Variants in BMPR1A observed in about 807,000 individuals in gnomAD.
BMPR1A encodes the protein bone morphogenetic protein receptor type 1A.
In BMPR1A, 7 loss-of-function variants were observed where a neutral mutation model predicts 66.0. The observed-to-expected ratio is 0.11, with a 90% CI of 0.06 to 0.20. The LOEUF (loss-of-function observed/expected upper bound fraction) is 0.20. BMPR1A is among the 10% of genes least tolerant of loss of function. The pLI, the probability that BMPR1A is intolerant of heterozygous loss-of-function variation, is 1.00. For missense variants in BMPR1A, 408 were observed against 669.1 expected (o/e 0.61, Z 4.31); for synonymous variants, 200 against 229.7 (o/e 0.87, Z 1.17).
rs369404980 is a variant in BMPR1A at position 86,855,198 on chromosome 10, C to A, written c.-153+16219C>A. 8.2e-5 allele frequency: 55 copies of A among 671,178 alleles called. No homozygotes were observed. The African/African-American group carries it at 1.0e-3, about 12-fold the overall frequency. The allele number at this position is 671,178 out of a possible 1,614,324, so 41.6% of individuals were successfully genotyped here. A position where few individuals can be genotyped will look rare whatever the true frequency, so the allele number is the denominator to read the frequency against. ...GGATTACAGGCGTGAGCCACCACAC[C>A]CTGCGTCGCTAAGTTTTTTAACCAG... On this transcript the variant is annotated intron_variant, in intron 2 of 12. Transcript: ENST00000372037.
chr10:86,856,365 C>T (rs1172338100), intron 2 of BMPR1A: 1 of 353,940 alleles, frequency 2.8e-6, no homozygotes, highest in African/African-American at 2.1e-5. Context: ...GTCTGCGGGT[C>T]TGGACCAGCT....
chr10:86,873,245 AC>A (rs1243578431), intron 2 of BMPR1A, among the ~76,000 whole-genome samples: 1 of 151,970 alleles, frequency 6.6e-6, no homozygotes, highest in East Asian at 1.9e-4. Context: ...GAACAACCAT[AC>A]TCATATTTGT....
chr10:86,834,114 C>T (rs902709225), intron 1 of BMPR1A, among the ~76,000 whole-genome samples: 2 of 152,200 alleles, frequency 1.3e-5, no homozygotes, highest in Non-Finnish European at 2.9e-5. Context: ...AGCTCCCTAG[C>T]AAACTTACTT....
chr10:86,918,578 A>G lies in BMPR1A; in HGVS notation c.869-594A>G, dbSNP rs142888181. ...ATCATGTAGGTTGATAATATTCTCC[A>G]GGTTATTTGTATAATATGTCATCTT... On this transcript the variant is annotated intron_variant, in intron 9 of 12. Transcript: ENST00000372037. Among the ~76,000 whole-genome samples, 121 of 152,070 alleles carry G rather than the reference A, an allele frequency of 8.0e-4. 2 individuals are homozygous for G. The East Asian group carries it at 0.022, about 27-fold the overall frequency.
chr10:86,837,857 ACT>A (rs1836228536), intron 1 of BMPR1A, among the ~76,000 whole-genome samples: 1 of 151,924 alleles, frequency 6.6e-6, no homozygotes, highest in Non-Finnish European at 1.5e-5. Flanking sequence ...CTGAGCGGAG[ACT>A]CTTGTCTTTA....
At chr10:86,901,700 C>T (rs578033925) in intron 7 of BMPR1A, among the ~76,000 whole-genome samples, 19 of 152,254 alleles carry the variant, frequency 1.2e-4, no homozygotes, top group Non-Finnish European at 1.3e-4. Flanking sequence ...TATGCTCAAT[C>T]GGTTATTTTA....
intron 8 of BMPR1A, among the ~76,000 whole-genome samples, chr10:86,913,481 G>C (rs1262923475): frequency 1.3e-5 from 2 of 151,884 alleles, no homozygotes; most frequent in African/African-American, 2.4e-5. Flanking sequence ...GAATTGGAAA[G>C]GTAAAAGTAA....
At chr10:86,791,216 T>C (rs1841612551) in intron 1 of BMPR1A, among the ~76,000 whole-genome samples, 2 of 53,020 alleles carry the variant, frequency 3.8e-5, no homozygotes, top group Non-Finnish European at 3.7e-5. Flanking sequence ...CAGTGCTTGC[T>C]TTTTTTTTTT....
chr10:86,802,689 T>G (rs1475624752), intron 1 of BMPR1A, among the ~76,000 whole-genome samples: 2 of 152,080 alleles, frequency 1.3e-5, no homozygotes, highest in Non-Finnish European at 2.9e-5. Flanking sequence ...AATGTTAGCT[T>G]TAATCAGTTT....
At chr10:86,814,153 T>C (rs1453230934) in intron 1 of BMPR1A, among the ~76,000 whole-genome samples, 5 of 152,286 alleles carry the variant, frequency 3.3e-5, no homozygotes, top group East Asian at 1.9e-4. Flanking sequence ...CAGTATGCAA[T>C]GTGTGCCTTA....
intron 2 of BMPR1A, among the ~76,000 whole-genome samples, chr10:86,850,858 A>C (rs976277881): frequency 6.6e-6 from 1 of 152,200 alleles, no homozygotes; most frequent in Non-Finnish European, 1.5e-5. Flanking sequence ...TGTTCAGGAA[A>C]TATAAGCCTG....
chr10:86,784,767 C>T (rs1176665918), intron 1 of BMPR1A, among the ~76,000 whole-genome samples: 1 of 152,058 alleles, frequency 6.6e-6, no homozygotes, highest in African/African-American at 2.4e-5. Flanking sequence ...TCATCCATTT[C>T]TTCTAGGTTG....
At chr10:86,811,442 T>C (rs1841967885) in intron 1 of BMPR1A, among the ~76,000 whole-genome samples, 1 of 152,236 alleles carries the variant, frequency 6.6e-6, no homozygotes, top group South Asian at 2.1e-4. Context: ...TCTGTTTTAA[T>C]GGATGGATTC....
At chr10:86,895,980 C>A (rs1320547211) in intron 5 of BMPR1A, among the ~76,000 whole-genome samples, 1 of 152,002 alleles carries the variant, frequency 6.6e-6, no homozygotes, top group East Asian at 1.9e-4. Context: ...ATGGTGAAAC[C>A]CCGTCTCTAC....
chr10:86,764,852 A>G (rs1027235369), intron 1 of BMPR1A, among the ~76,000 whole-genome samples: 7 of 152,254 alleles, frequency 4.6e-5, no homozygotes, highest in African/African-American at 1.7e-4. Context: ...GATGTAAAAT[A>G]TCTCATTATG....
At chr10:86,858,483 G>A (rs1842674181) in intron 2 of BMPR1A, among the ~76,000 whole-genome samples, 1 of 152,060 alleles carries the variant, frequency 6.6e-6, no homozygotes, top group Non-Finnish European at 1.5e-5. Context: ...GGAAATAAAG[G>A]GCATCTAAAT....
At chr10:86,865,745 G>A (rs1218732511) in intron 2 of BMPR1A, among the ~76,000 whole-genome samples, 2 of 152,242 alleles carry the variant, frequency 1.3e-5, no homozygotes, top group African/African-American at 4.8e-5. Context: ...GATTGTCCCT[G>A]CACATTGCAT....
chr10:86,876,022 C>A lies in BMPR1A; in HGVS notation c.4C>A (p.Pro2Thr), dbSNP rs11528010. The A allele has an allele frequency of 0.3, 473,381 of 1,592,936 alleles. 83,045 individuals are homozygous for A. Among genetic ancestry groups the A allele is most frequent in the East Asian group, 0.72 (31,934 of 44,614 alleles). ...CAGGAAACATTACAATTGAACAATG[C>A]CTCAGCTATACATTTACATCAGATT... is the stretch of plus-strand genomic sequence containing the variant. M[P>T]QLYIYIRLLG... Residue 2 changes from proline (P) to threonine (T), a missense_variant, in exon 3 of 13, where the codon CCT becomes ACT. Physicochemically the swap from Pro to Thr is conservative, Grantham distance 38. This residue lies in a region of BMPR1A where 68 missense variants were observed against 83.0 expected (regional missense o/e 0.82). Coordinates refer to ENST00000372037, the MANE Select transcript of BMPR1A (RefSeq NM_004329.3).
chr10:86,899,780 T>G lies in BMPR1A; in HGVS notation c.334-14T>G. ...ACCAAACCATTTCTAATTTTATCAT[T>G]ACTCTTCTTTTAGGATTCTCCAAAA... On this transcript the variant is annotated splice_polypyrimidine_tract_variant and intron_variant, in intron 5 of 12. Coordinates refer to ENST00000372037, the MANE Select transcript of BMPR1A (RefSeq NM_004329.3). 1 of 1,603,986 alleles carries G rather than the reference T, an allele frequency of 6.2e-7. No individual in the cohort carries two copies. Among genetic ancestry groups the G allele is most frequent in the Non-Finnish European group, 8.5e-7 (1 of 1,170,774 alleles).
Sources: gnomAD v4.1 joint callset for allele counts (sites outside exome capture counted in the v4.1 genomes callset) on GRCh38, gnomAD v4.1.1 for gene constraint, gnomAD v4.1.1 regional missense constraint, MANE v1.5 for transcripts, NCBI Gene and HGNC (gene_info 2026-07-23, HGNC 2026-07-21) for gene names.